TRUB1: variants seen among roughly 807,000 people sequenced by gnomAD.
TRUB1 encodes the protein pseudouridylate synthase TRUB1.
Under a neutral mutation model 33.9 loss-of-function variants are expected in TRUB1, and 23 were observed. The observed-to-expected ratio is 0.68, with a 90% CI of 0.49 to 0.96. The LOEUF is 0.96. Ranked by LOEUF, TRUB1 falls within the 40% of genes least tolerant of loss-of-function variation. The pLI is 0.00. For missense variants in TRUB1, 378 were observed against 422.2 expected (o/e 0.90, Z 0.92); for synonymous variants, 163 against 165.4 (o/e 0.99, Z 0.11).
Position 114,972,202 on chromosome 10 carries a change from G to C in TRUB1, c.664G>C (p.Ala222Pro), listed in dbSNP as rs779851500. 40 of 1,613,640 alleles carry C rather than the reference G, an allele frequency of 2.5e-5. 1 individual carries two copies. The highest frequency in any genetic ancestry group is 1.7e-4 in the Middle Eastern group (1 of 6,060). ...GATGAAGAGAGGTGAAGTCGTAGAA[G>C]CAAAACCTGCCAGGCCAGTGACTGT... ...TLMKRGEVVE[A>P]KPARPVTVYS... is the part of the protein sequence containing the mutation. Residue 222 changes from alanine to proline, a missense_variant, in exon 6 of 8, where the codon GCA (alanine) becomes CCA (proline). By Grantham distance (27) the Ala-to-Pro change is conservative (BLOSUM62 -1). Transcript: ENST00000298746.
At chr10:114,959,082 G>A (rs931396945) in intron 3 of TRUB1, among the ~76,000 whole-genome samples, 4 of 152,176 alleles carry the variant, frequency 2.6e-5, no homozygotes, top group African/African-American at 4.8e-5. Context: ...GTTGCAGTGA[G>A]CCGAGATCGC....
intron 4 of TRUB1, chr10:114,960,101 C>T (rs1047212186): frequency 1.0e-5 from 3 of 289,502 alleles, no homozygotes; most frequent in Admixed American, 5.4e-5. Flanking sequence ...AGGTTATTTT[C>T]CCTAGTAAAC....
At chr10:114,960,340 A>G (rs2084280217) in intron 4 of TRUB1, among the ~76,000 whole-genome samples, 1 of 152,146 alleles carries the variant, frequency 6.6e-6, no homozygotes, top group South Asian at 2.1e-4. Flanking sequence ...CCCTTCTTTC[A>G]CTACCGTAAG....
chr10:114,962,201 A>G (rs1186016838), intron 4 of TRUB1, among the ~76,000 whole-genome samples: 1 of 152,142 alleles, frequency 6.6e-6, no homozygotes, highest in East Asian at 1.9e-4. Flanking sequence ...GACTACAGGC[A>G]TGCACCACCA....
intron 3 of TRUB1, among the ~76,000 whole-genome samples, chr10:114,955,846 G>A (rs2084259521): frequency 6.6e-6 from 1 of 151,860 alleles, no homozygotes; most frequent in Admixed American, 6.6e-5. Context: ...AATTTTAAAG[G>A]GCTTATACTT....
rs766406086 is a variant in TRUB1, at chr10:114,938,583, A to G, written c.286+44A>G. The G allele has an allele frequency of 6.0e-6, 9 of 1,492,610 alleles. No homozygotes were observed. The Admixed American group carries it at 7.5e-5, about 12-fold the overall frequency. 92.5% of individuals were successfully genotyped at this position (1,492,610 alleles called of 1,614,324 possible). A position where few individuals can be genotyped will look rare whatever the true frequency, so the allele number is the denominator to read the frequency against. On this transcript the variant is annotated intron_variant, in intron 1 of 7. Coordinates refer to ENST00000298746, the MANE Select transcript of TRUB1 (RefSeq NM_139169.5). ...GGACCAGGCTGAGGCGGTCGCTGCG[A>G]GAGGGGAAGCACATTAGGCTTTTTG...
At position 114,942,727 on chromosome 10, in the gene TRUB1, A is replaced by G; in HGVS notation, c.369A>G (p.Ala123=). ...KIGHGGTLDS[A]ARGVLVVGIG... is the part of the protein sequence containing the mutation. ...GGCATGGAGGGACTCTAGACAGCGC[A>G]GCCCGAGGAGTTCTGGGTAAGAGAT... The change falls in exon 2 of 8, where the codon GCA becomes GCG. Residue 123 remains alanine (A), a synonymous_variant. Coordinates refer to ENST00000298746, the MANE Select transcript of TRUB1 (RefSeq NM_139169.5). The G allele has an allele frequency of 6.2e-7, 1 of 1,613,212 alleles. No homozygotes were observed.
intron 3 of TRUB1, among the ~76,000 whole-genome samples, chr10:114,952,925 T>C (rs1393925914): frequency 6.6e-6 from 1 of 152,190 alleles, no homozygotes; most frequent in Non-Finnish European, 1.5e-5. Context: ...TTTCACATTA[T>C]TTGGTATTTT....
chr10:114,945,442 C>T (rs2084207135), intron 2 of TRUB1, among the ~76,000 whole-genome samples: 1 of 152,196 alleles, frequency 6.6e-6, no homozygotes, highest in South Asian at 2.1e-4. Context: ...AAGAGAGGAT[C>T]AGATCAGTTG....
chr10:114,965,783 AT>A (rs1393251834), intron 4 of TRUB1, among the ~76,000 whole-genome samples: 1 of 152,066 alleles, frequency 6.6e-6, no homozygotes, highest in East Asian at 1.9e-4. Flanking sequence ...AATGTAGATA[AT>A]TTTTTCTCCT....
intron 3 of TRUB1, among the ~76,000 whole-genome samples, chr10:114,952,530 T>C (rs904656802): frequency 2.0e-5 from 3 of 152,170 alleles, no homozygotes; most frequent in African/African-American, 4.8e-5. Flanking sequence ...CATAGATACA[T>C]AGATTGATTG....
At position 114,942,727 on chromosome 10, in the gene TRUB1, A is replaced by C. The variant is rs2084194145; in HGVS notation, c.369A>C (p.Ala123=). 6.2e-7 allele frequency: 1 copy of C among 1,613,094 alleles called. No homozygotes were observed. The highest frequency in any genetic ancestry group is 1.7e-5 in the Admixed American group (1 of 60,002). ...GGCATGGAGGGACTCTAGACAGCGC[A>C]GCCCGAGGAGTTCTGGGTAAGAGAT... The part of the protein sequence containing the change: ...KIGHGGTLDS[A]ARGVLVVGIG... The change falls in exon 2 of 8, where the codon GCA becomes GCC. Residue 123 remains alanine, a synonymous_variant. Transcript: ENST00000298746.
At chr10:114,968,930 T>A (rs775384629) in intron 4 of TRUB1, among the ~76,000 whole-genome samples, 17 of 152,140 alleles carry the variant, frequency 1.1e-4, no homozygotes, top group Admixed American at 5.9e-4. Context: ...TTAGATAAAT[T>A]TTCTACAAAA....
intron 7 of TRUB1, 88 bp from the exon 8 acceptor site, chr10:114,975,035 A>G (rs1288656578): frequency 6.2e-6 from 9 of 1,461,096 alleles, no homozygotes; most frequent in South Asian, 4.4e-5. Context: ...AGAGATTTCA[A>G]TTGAGTACGG....
In TRUB1 at chr10:114,938,244, C is replaced by T. The variant is rs369362278; in HGVS notation, c.-10C>T. The stretch of plus-strand genomic sequence containing the variant: ...ACCTCCACGATGAAACAGGTCTGGG[C>T]TACAAAAGTATGGCCGCTTCTGAGG... On this transcript the variant is annotated 5_prime_UTR_variant, in exon 1 of 8. Coordinates refer to ENST00000298746, the MANE Select transcript of TRUB1 (RefSeq NM_139169.5). 4.0e-5 allele frequency: 65 copies of T among 1,613,496 alleles called. No homozygotes were observed. The highest frequency in any genetic ancestry group is 5.3e-5 in the Non-Finnish European group (63 of 1,179,860).
At chr10:114,946,179 A>G (rs1409539557) in intron 2 of TRUB1, among the ~76,000 whole-genome samples, 1 of 152,178 alleles carries the variant, frequency 6.6e-6, no homozygotes, top group Non-Finnish European at 1.5e-5. Flanking sequence ...TATACATCCT[A>G]AGAAAATCTC....
At chr10:114,963,966 C>CGTGTGTGT (rs35359334) in intron 4 of TRUB1, among the ~76,000 whole-genome samples, 7 of 148,906 alleles carry the variant, frequency 4.7e-5, no homozygotes, top group African/African-American at 1.2e-4. Context: ...GAATATAGGT[C>CGTGTGTGT]GTGTGTGTGT....
intron 3 of TRUB1, among the ~76,000 whole-genome samples, chr10:114,954,062 A>G (rs1205706765): frequency 7.7e-6 from 1 of 129,768 alleles, no homozygotes; most frequent in African/African-American, 2.6e-5. Flanking sequence ...CTTCTATTTC[A>G]TTAAAAAAAA....
intron 4 of TRUB1, among the ~76,000 whole-genome samples, chr10:114,969,215 T>G (rs1270250222): frequency 6.6e-6 from 1 of 151,364 alleles, no homozygotes; most frequent in Admixed American, 6.6e-5. Flanking sequence ...GAGGATCACC[T>G]GAGGTCAGGA....
Sources: allele counts gnomAD v4.1 joint callset (sites outside exome capture counted in the v4.1 genomes callset), GRCh38; gene constraint gnomAD v4.1.1; transcripts MANE v1.5; gene names NCBI Gene and HGNC (gene_info 2026-07-23, HGNC 2026-07-21).